RASGRP3: variants seen among roughly 807,000 people sequenced by gnomAD.
RASGRP3 encodes the protein ras guanyl-releasing protein 3.
In RASGRP3, 54 loss-of-function variants were observed where a neutral mutation model predicts 82.7. The ratio of observed to expected loss-of-function variants is 0.65; its 90% CI spans 0.52 to 0.82. The LOEUF is 0.82. Among genes scored for constraint, RASGRP3 ranks in the 40% least tolerant of loss-of-function variants. RASGRP3 has a pLI of 0.00. For synonymous variants in RASGRP3, 309 were observed against 300.5 expected (o/e 1.03, Z -0.29); for missense variants, 861 against 828.9 (o/e 1.04, Z -0.48).
intron 1 of RASGRP3, among the ~76,000 whole-genome samples, chr2:33,503,066 G>C (rs1416980801): frequency 2.0e-5 from 3 of 152,104 alleles, no homozygotes; most frequent in Admixed American, 2.0e-4. Flanking sequence ...ATGTAAATCT[G>C]TTATTAATCC....
At chr2:33,554,786 T>A (rs1302896284) in intron 14 of RASGRP3, among the ~76,000 whole-genome samples, 1 of 152,050 alleles carries the variant, frequency 6.6e-6, no homozygotes, top group Admixed American at 6.6e-5. Context: ...CCCTCTTCTT[T>A]ATGGTGTTTA....
In RASGRP3 at chr2:33,531,164, G is replaced by A. The variant is rs139445996; in HGVS notation, c.1084-3159G>A. 5.1e-3 allele frequency among the ~76,000 whole-genome samples: 783 copies of A among 152,318 alleles called. 5 individuals carry two copies. Among genetic ancestry groups the A allele is most frequent in the African/African-American group, 0.017 (704 of 41,558 alleles). Reference sequence around the variant, plus strand: ...TATGATAAACAGTCAAGCCAATGTAGATCCTAATGAAGACTGAATCTGCAA... The same window carrying A: ...TATGATAAACAGTCAAGCCAATGTAAATCCTAATGAAGACTGAATCTGCAA... On this transcript the variant is annotated intron_variant, in intron 10 of 17. Coordinates refer to ENST00000403687, the MANE Select transcript of RASGRP3 (RefSeq NM_001139488.2).
rs753725548 is a variant in RASGRP3 at position 33,558,803 on chromosome 2, G to C, written c.1837G>C (p.Ala613Pro). ...VRLQRATTSQ[A>P]TQTEPVWSEA... ...GCTACAGAGGGCCACCACCAGCCAG[G>C]CCACCCAGACTGAACCTGTCTGGTC... The change falls in exon 17 of 18, where the codon GCC becomes CCC. Residue 613 changes from alanine (A) to proline (P), a missense_variant. Transcript: ENST00000403687. 3.1e-6 allele frequency: 5 copies of C among 1,614,006 alleles called. No individual in the cohort carries two copies. In the Admixed American group the frequency reaches 5.0e-5, roughly 16 times the overall value.
intron 14 of RASGRP3, 71 bp from the exon 15 acceptor site, chr2:33,555,459 CT>C: frequency 7.2e-7 from 1 of 1,386,122 alleles, no homozygotes; most frequent in South Asian, 1.3e-5. Flanking sequence ...CCAGGACTTC[CT>C]TTTCAGTGGC....
chr2:33,552,393 G>A (rs569761660), intron 14 of RASGRP3, among the ~76,000 whole-genome samples: 85 of 152,232 alleles, frequency 5.6e-4, no homozygotes, highest in Non-Finnish European at 1.0e-3. Context: ...CACATGGCTC[G>A]GAGTACACAT....
chr2:33,501,909 A>G (rs1372129647), intron 1 of RASGRP3, among the ~76,000 whole-genome samples: 2 of 152,210 alleles, frequency 1.3e-5, no homozygotes, highest in African/African-American at 4.8e-5. Flanking sequence ...CACTGCGGCT[A>G]AGCCTTAGCA....
chr2:33,515,107 C>T lies in RASGRP3; in HGVS notation c.-30C>T. The T allele has an allele frequency of 1.9e-6, 3 of 1,608,198 alleles. No homozygotes were observed. Among genetic ancestry groups the T allele is most frequent in the Non-Finnish European group, 2.6e-6 (3 of 1,174,710 alleles). ...ATGGTCTATCTGATGCTGAAAATGT[C>T]TCTAGTTTTTTGACAACGGCTAAAT... On this transcript the variant is annotated 5_prime_UTR_variant, in exon 3 of 18. Transcript: ENST00000403687.
intron 11 of RASGRP3, among the ~76,000 whole-genome samples, chr2:33,537,937 C>A (rs1001875030): frequency 8.5e-5 from 13 of 152,244 alleles, no homozygotes; most frequent in African/African-American, 2.9e-4. Flanking sequence ...GCCAGAGAGA[C>A]CTAATGATTG....
intron 11 of RASGRP3, among the ~76,000 whole-genome samples, 169 bp downstream of exon 11, chr2:33,534,569 C>G (rs577162546): frequency 6.6e-6 from 1 of 152,150 alleles, no homozygotes; most frequent in Non-Finnish European, 1.5e-5. Context: ...TGCACTGTTG[C>G]CTGGGCTGGA....
intron 13 of RASGRP3, among the ~76,000 whole-genome samples, chr2:33,547,053 G>GAAA (rs767124838): frequency 2.3e-4 from 29 of 123,898 alleles, no homozygotes; most frequent in East Asian, 2.1e-3. Context: ...CTGTCTCAGG[G>GAAA]AAAAAAAAAA....
intron 2 of RASGRP3, among the ~76,000 whole-genome samples, chr2:33,467,992 CTTTCTTTCTT>C (rs1666810821): frequency 1.9e-5 from 1 of 53,384 alleles, no homozygotes; most frequent in African/African-American, 1.1e-4. Flanking sequence ...TTCTTTCTTT[CTTTCTTTCTT>C]TCTTTCTTTC....
intron 1 of RASGRP3, among the ~76,000 whole-genome samples, chr2:33,494,830 A>G (rs747988821): frequency 1.3e-5 from 2 of 152,238 alleles, no homozygotes; most frequent in South Asian, 4.1e-4. Flanking sequence ...TAAACCAGAA[A>G]TCTGAGGAAA....
intron 16 of RASGRP3, 86 bp from the exon 17 acceptor site, chr2:33,558,586 C>A: frequency 8.0e-7 from 1 of 1,256,260 alleles, no homozygotes; most frequent in Non-Finnish European, 1.1e-6. Context: ...ATGTTGCATG[C>A]CAGACTCGTG....
In RASGRP3 at chr2:33,563,467, C is replaced by CTAA. The variant is rs995044830; in HGVS notation, c.*733_*735dup. On this transcript the variant is annotated 3_prime_UTR_variant, in exon 18 of 18. Transcript: ENST00000403687. ...CTATAGCATGGTCGTGAAAGCTCTC[C>CTAA]TAATACTTACTTAAATAGCCATGGA... 12 of 149,760 alleles carry CTAA rather than the reference C, an allele frequency of 8.0e-5. No individual in the cohort carries two copies. Among genetic ancestry groups the CTAA allele is most frequent in the African/African-American group, 2.7e-4 (11 of 41,356 alleles). The allele number at this position is 149,760 out of a possible 1,614,324, so 9.3% of individuals were successfully genotyped here.
At chr2:33,445,751 A>T (rs1665465282) in intron 1 of RASGRP3, among the ~76,000 whole-genome samples, 1 of 151,980 alleles carries the variant, frequency 6.6e-6, no homozygotes, top group East Asian at 1.9e-4. Context: ...TTAATATATT[A>T]ATAATATGTT....
At chr2:33,539,796 C>T (rs1045148340) in intron 12 of RASGRP3, 1 of 151,752 alleles carries the variant, frequency 6.6e-6, no homozygotes, top group Admixed American at 6.6e-5. Flanking sequence ...GTCAGGAGAT[C>T]GAGACCACGG....
intron 4 of RASGRP3, among the ~76,000 whole-genome samples, chr2:33,517,485 A>G (rs1345133671): frequency 6.6e-6 from 1 of 152,188 alleles, no homozygotes; most frequent in African/African-American, 2.4e-5. Flanking sequence ...GGCACCATCA[A>G]GTGTTATTAG....
At chr2:33,543,408 C>T in intron 12 of RASGRP3, 104 bp from the exon 13 acceptor site, 1 of 663,676 alleles carries the variant, frequency 1.5e-6, no homozygotes, top group Non-Finnish European at 2.6e-6. Context: ...AGATTCTAAC[C>T]TCCTTGATAG....
rs912436225 is a variant in RASGRP3 at position 33,440,680 on chromosome 2, C to G, written c.-385+4089C>G. Among the ~76,000 whole-genome samples the G allele has an allele frequency of 2.6e-5, 4 of 152,144 alleles. No individual in the cohort carries two copies. The South Asian group carries it at 8.3e-4, about 32-fold the overall frequency. ...AGAGGTTTTCCTTATTTATTAACCTCCAGAATCGTTTTTCCCCTTAGTGGC... is the reference window on the plus strand; with the variant it reads ...AGAGGTTTTCCTTATTTATTAACCTGCAGAATCGTTTTTCCCCTTAGTGGC... On this transcript the variant is annotated intron_variant, in intron 1 of 18. Transcript: ENST00000402538.
Sources: allele counts gnomAD v4.1 joint callset (sites outside exome capture counted in the v4.1 genomes callset), GRCh38; gene constraint gnomAD v4.1.1; transcripts MANE v1.5; gene names NCBI Gene and HGNC (gene_info 2026-07-23, HGNC 2026-07-21).